The following MAP3K19 variants were observed in gnomAD, a reference collection of about 807,000 sequenced individuals.
The protein encoded by MAP3K19 is mitogen-activated protein kinase kinase kinase 19, also known as SPS1/STE20-related protein kinase YSK4.
Under a neutral mutation model 114.4 loss-of-function variants are expected in MAP3K19, and 91 were observed. That is an observed-to-expected ratio of 0.80 (90% confidence interval 0.67 to 0.95). The LOEUF is 0.95. MAP3K19 is among the 40% of genes least tolerant of loss of function. The pLI, the probability that MAP3K19 is intolerant of heterozygous loss-of-function variation, is 0.00. For missense variants in MAP3K19, 1,471 were observed against 1,573.2 expected (o/e 0.94, Z 1.10); for synonymous variants, 518 against 530.5 (o/e 0.98, Z 0.32).
rs767066242 is a variant in MAP3K19, at chr2:134,988,095, G to C, written c.777C>G (p.Ser259Arg). 6.2e-7 allele frequency: 1 copy of C among 1,614,104 alleles called. No individual in the cohort carries two copies. The highest frequency in any genetic ancestry group is 2.2e-5 in the East Asian group (1 of 44,878). Residue 259 changes from serine to arginine, a missense_variant, in exon 10 of 13, where the codon AGC (serine) becomes AGG (arginine). Transcript: ENST00000392915. ...SVSVRQSDEL[S>R]PSNEPPGALV... ...GGGCTCCCGGAGGCTCGTTTGATGGGCTGAGCTCATCAGATTGACGAACAG... is the reference window on the plus strand; with the variant it reads ...GGGCTCCCGGAGGCTCGTTTGATGGCCTGAGCTCATCAGATTGACGAACAG...
chr2:135,031,862 C>T (rs6709772), intron 2 of MAP3K19, among the ~76,000 whole-genome samples: 134 of 152,308 alleles, frequency 8.8e-4, no homozygotes, highest in African/African-American at 3.2e-3. Context: ...TTCCAAGATA[C>T]TGTCTTCAGT....
At chr2:134,997,413 T>C (rs1289313387) in intron 8 of MAP3K19, among the ~76,000 whole-genome samples, 5 of 152,212 alleles carry the variant, frequency 3.3e-5, no homozygotes, top group African/African-American at 9.6e-5. Context: ...TGGGGATGAA[T>C]AGTTGTGATG....
intron 12 of MAP3K19, among the ~76,000 whole-genome samples, chr2:134,968,557 G>A (rs1473359395): frequency 6.0e-5 from 9 of 150,992 alleles, no homozygotes; most frequent in Admixed American, 3.9e-4. Flanking sequence ...CCCAGACGGG[G>A]TGGCTGCCGG....
At chr2:135,028,107 C>A (rs932430288) in intron 3 of MAP3K19, among the ~76,000 whole-genome samples, 8 of 152,218 alleles carry the variant, frequency 5.3e-5, no homozygotes, top group Non-Finnish European at 1.2e-4. Flanking sequence ...ATTTGCTAAA[C>A]TTCAGAGCCC....
rs370965837 is a variant in MAP3K19, at chr2:135,000,025, C to T, written c.236-10G>A. ...ACAGTGATCTCAACACCTGTAGAAA[C>T]ATACCACAGTAGTAGAAGGAAGAAA... On this transcript the variant is annotated splice_polypyrimidine_tract_variant and intron_variant, in intron 6 of 12. Coordinates refer to ENST00000392915, the MANE Select transcript of MAP3K19 (RefSeq NM_025052.5). 12 of 1,570,646 alleles carry T rather than the reference C, an allele frequency of 7.6e-6. No individual in the cohort carries two copies. The highest frequency in any genetic ancestry group is 9.6e-6 in the Non-Finnish European group (11 of 1,140,536).
intron 5 of MAP3K19, among the ~76,000 whole-genome samples, chr2:135,006,824 AAGAG>A (rs1686848709): frequency 6.7e-6 from 1 of 149,808 alleles, no homozygotes; most frequent in Admixed American, 6.7e-5. Context: ...AAGAAAAGAA[AAGAG>A]AGAGAGAAAG....
At position 134,991,530 on chromosome 2, in the gene MAP3K19, A is replaced by G. The variant is rs1685577098; in HGVS notation, c.618+7T>C. The G allele has an allele frequency of 6.2e-7, 1 of 1,612,830 alleles. No individual in the cohort carries two copies. Among genetic ancestry groups the G allele is most frequent in the African/African-American group, 1.3e-5 (1 of 74,884 alleles). On this transcript the variant is annotated splice_region_variant and intron_variant, in intron 9 of 12. Coordinates refer to ENST00000392915, the MANE Select transcript of MAP3K19 (RefSeq NM_025052.5). Reference sequence around the variant, plus strand: ...TCTCAAGTCAAAAATGCTAGCACTAATCTTACCTTGATGCTTCGGCCACTG... The same window carrying G: ...TCTCAAGTCAAAAATGCTAGCACTAGTCTTACCTTGATGCTTCGGCCACTG...
At chr2:135,009,061 C>T (rs1413947223) in intron 5 of MAP3K19, among the ~76,000 whole-genome samples, 2 of 152,064 alleles carry the variant, frequency 1.3e-5, no homozygotes, top group Non-Finnish European at 2.9e-5. Flanking sequence ...AAGCGATTCT[C>T]CTGCCTTAGC....
chr2:134,983,227 T>C, intron 11 of MAP3K19: 1 of 534,196 alleles, frequency 1.9e-6, no homozygotes, highest in South Asian at 1.4e-5. Context: ...GTTCACAAAA[T>C]GGAAGGAACA....
Position 134,980,874 on chromosome 2 carries a change from T to C in MAP3K19, c.3867A>G (p.Leu1289=). The C allele has an allele frequency of 6.2e-7, 1 of 1,614,212 alleles. No individual in the cohort carries two copies. The highest frequency in any genetic ancestry group is 8.5e-7 in the Non-Finnish European group (1 of 1,180,034). The change falls in exon 12 of 13, where the codon TTA becomes TTG. Residue 1289 remains leucine (L), a synonymous_variant. Transcript: ENST00000392915. The part of the protein sequence containing the change: ...IGAHRGLMPP[L]PDHFSENAAD... ...CTGCATTTTCTGAGAAGTGGTCTGG[T>C]AAAGGAGGCATCAGCCCTCGGTGTG...
chr2:134,983,797 T>C lies in MAP3K19; in HGVS notation c.3101A>G (p.Asp1034Gly), dbSNP rs55832179. 272 of 1,601,442 alleles carry C rather than the reference T, an allele frequency of 1.7e-4. No individual in the cohort carries two copies. The highest frequency in any genetic ancestry group is 1.8e-4 in the Non-Finnish European group (211 of 1,175,040). The change falls in exon 11 of 13, where the codon GAC (aspartate) becomes GGC (glycine). Residue 1034 changes from aspartate (D) to glycine (G), a missense_variant. Coordinates refer to ENST00000392915, the MANE Select transcript of MAP3K19 (RefSeq NM_025052.5). ...TGAGATGAGAAATTTCTCCTCCCTG[T>C]CATATATCCTGAGCCCACTACTATG... ...QRHSSGLRIY[D>G]REEKFLISNE...
At chr2:135,039,764 C>T (rs1338469318) in intron 2 of MAP3K19, among the ~76,000 whole-genome samples, 2 of 152,150 alleles carry the variant, frequency 1.3e-5, no homozygotes, top group African/African-American at 4.8e-5. Context: ...GCCACTTTTA[C>T]CTGAATGCTT....
rs138526441 is a variant in MAP3K19 at position 134,986,024 on chromosome 2, T to C, written c.2848A>G (p.Asn950Asp). 4.8e-4 allele frequency: 779 copies of C among 1,613,310 alleles called. No homozygotes were observed. The African/African-American group carries it at 6.3e-3, about 13-fold the overall frequency. ...TCCATAATTTCTTGGGAAATTGAAT[T>C]TGTGCCACTTAAGGTTTTTCCAAAC... ...QMFGKTLSGT[N>D]SISQEIMDSV... The change falls in exon 10 of 13, where the codon AAT becomes GAT. Residue 950 changes from asparagine to aspartate, a missense_variant. Transcript: ENST00000392915.
chr2:135,045,057 A>C (rs1558749068), intron 1 of MAP3K19, among the ~76,000 whole-genome samples: 2 of 152,192 alleles, frequency 1.3e-5, no homozygotes, highest in Admixed American at 1.3e-4. Flanking sequence ...CAACACTGTG[A>C]TAAACATCCT....
intron 12 of MAP3K19, among the ~76,000 whole-genome samples, chr2:134,979,459 TG>T (rs1684467224): frequency 6.6e-6 from 1 of 151,822 alleles, no homozygotes; most frequent in Non-Finnish European, 1.5e-5. Flanking sequence ...TGTGTGTGTG[TG>T]TGTGTGTGTG....
rs552877168 is a variant in MAP3K19, at chr2:134,986,418, A to G, written c.2454T>C (p.Ser818=). 3.0e-5 allele frequency: 49 copies of G among 1,613,850 alleles called. No homozygotes were observed. Among genetic ancestry groups the G allele is most frequent in the Non-Finnish European group, 4.0e-5 (47 of 1,180,038 alleles). The change falls in exon 10 of 13, where the codon TCT becomes TCC. Residue 818 remains serine (S), a synonymous_variant. Transcript: ENST00000392915. ...TGTTAGAAATGTCTCTATCACCAGT[A>G]GACTCTTCCATAGAAACTTCTTCAA... ...SIVEEVSMEE[S]TGDRDISNNQ...
At chr2:134,982,352 CTT>C (rs10707203) in intron 11 of MAP3K19, among the ~76,000 whole-genome samples, 38 of 99,896 alleles carry the variant, frequency 3.8e-4, no homozygotes, top group East Asian at 5.1e-4. Context: ...AGATTTTTTT[CTT>C]TTTTTTTTTT....
intron 12 of MAP3K19, among the ~76,000 whole-genome samples, chr2:134,977,519 C>T (rs1242451131): frequency 6.6e-6 from 1 of 151,922 alleles, no homozygotes; most frequent in Non-Finnish European, 1.5e-5. Context: ...CCTGCCACCA[C>T]ACCCAGCTAA....
chr2:135,018,362 T>C (rs1391648845), intron 5 of MAP3K19, among the ~76,000 whole-genome samples: 1 of 151,526 alleles, frequency 6.6e-6, no homozygotes, highest in Non-Finnish European at 1.5e-5. Flanking sequence ...TTTTAAGGGA[T>C]TGGGCCTCTT....
Sources: allele counts gnomAD v4.1 joint callset (sites outside exome capture counted in the v4.1 genomes callset), GRCh38; gene constraint gnomAD v4.1.1; transcripts MANE v1.5; gene names NCBI Gene and HGNC (gene_info 2026-07-23, HGNC 2026-07-21).